KIAA1671: variants seen among roughly 807,000 people sequenced by gnomAD.
KIAA1671 encodes KIAA1671.
A neutral mutation model predicts 131.2 loss-of-function variants in KIAA1671; 52 were observed. The observed-to-expected ratio is 0.40, with a 90% CI of 0.32 to 0.50. The LOEUF (loss-of-function observed/expected upper bound fraction) is 0.50, where lower values mean the gene tolerates loss of function less well. Among genes scored for constraint, KIAA1671 ranks in the 20% least tolerant of loss-of-function variants. The pLI is 0.73. For synonymous variants in KIAA1671, 1,003 were observed against 961.6 expected (o/e 1.04, Z -0.80); for missense variants, 2,360 against 2,364.2 (o/e 1.00, Z 0.04).
At chr22:25,004,528 A>T (rs1924637199) in intron 1 of KIAA1671, among the ~76,000 whole-genome samples, 1 of 152,214 alleles carries the variant, frequency 6.6e-6, no homozygotes, top group Admixed American at 6.5e-5. Context: ...GACAGTGAAA[A>T]GTCTCTCTCC....
At chr22:24,995,193 A>C (rs1009346916) in intron 1 of KIAA1671, among the ~76,000 whole-genome samples, 1 of 149,424 alleles carries the variant, frequency 6.7e-6, no homozygotes, top group Non-Finnish European at 1.5e-5. Flanking sequence ...TGGGACTACA[A>C]GTGCCCGCCA....
chr22:25,168,430 C>T (rs1933721458), intron 6 of KIAA1671, among the ~76,000 whole-genome samples: 1 of 152,200 alleles, frequency 6.6e-6, no homozygotes, highest in Non-Finnish European at 1.5e-5. Flanking sequence ...GTGGCTCACG[C>T]CTGGAATCCC....
chr22:25,170,985 C>T, intron 7 of KIAA1671, 47 bp downstream of exon 7: 1 of 1,471,192 alleles, frequency 6.8e-7, no homozygotes, highest in Non-Finnish European at 9.3e-7. Context: ...GGCAGCTGGG[C>T]TGGAGTTGCT....
chr22:25,027,109 A>G lies in KIAA1671; in HGVS notation c.-55-836A>G, dbSNP rs770078093. ...CTCACTGTTGGGCGTTTCTCTTTCT[A>G]TTAAGAGTATGAAGGCAGTCAGCAT... On this transcript the variant is annotated intron_variant, in intron 2 of 12. Transcript: ENST00000358431. 9.1e-4 allele frequency among the ~76,000 whole-genome samples: 138 copies of G among 152,308 alleles called. 1 individual carries two copies. Among genetic ancestry groups the G allele is most frequent in the Non-Finnish European group, 1.6e-3 (110 of 68,036 alleles).
At chr22:25,000,251 T>C (rs1269894374) in intron 1 of KIAA1671, among the ~76,000 whole-genome samples, 1 of 56,732 alleles carries the variant, frequency 1.8e-5, no homozygotes, top group Non-Finnish European at 3.5e-5. Flanking sequence ...TGGAGTGCAG[T>C]GGCGGGATCT....
At chr22:25,047,437 C>T (rs367708461) in intron 5 of KIAA1671, among the ~76,000 whole-genome samples, 1 of 149,884 alleles carries the variant, frequency 6.7e-6, no homozygotes, top group South Asian at 2.1e-4. Flanking sequence ...AGGCGTGAGC[C>T]GCCACCACCA....
intron 4 of KIAA1671, among the ~76,000 whole-genome samples, chr22:25,034,048 G>GTT (rs35842433): frequency 3.9e-4 from 51 of 130,846 alleles, no homozygotes; most frequent in African/African-American, 1.0e-3. Flanking sequence ...ATGCCACTTT[G>GTT]TTTTTTTTTT....
At chr22:25,044,555 C>T (rs1420392305) in intron 5 of KIAA1671, among the ~76,000 whole-genome samples, 1 of 152,098 alleles carries the variant, frequency 6.6e-6, no homozygotes, top group Non-Finnish European at 1.5e-5. Flanking sequence ...TCTGTTTTCT[C>T]ACCACGGGAT....
intron 6 of KIAA1671, among the ~76,000 whole-genome samples, chr22:25,131,587 G>C (rs1466153183): frequency 1.3e-5 from 2 of 152,238 alleles, no homozygotes; most frequent in Non-Finnish European, 2.9e-5. Flanking sequence ...ATGTCACCCT[G>C]GGAAGCCATT....
chr22:25,157,488 G>A (rs1027778285), intron 6 of KIAA1671, among the ~76,000 whole-genome samples: 7 of 152,134 alleles, frequency 4.6e-5, no homozygotes, highest in Non-Finnish European at 1.0e-4. Context: ...ATTAAATAGA[G>A]TTCTACATTA....
At chr22:25,000,492 CTT>C (rs932233451) in intron 1 of KIAA1671, among the ~76,000 whole-genome samples, 33 of 49,594 alleles carry the variant, frequency 6.7e-4, no homozygotes, top group Admixed American at 8.5e-4. Context: ...CGCGCCCGGC[CTT>C]TTTTTTTTTT....
chr22:24,962,811 G>A (rs189953300), intron 1 of KIAA1671, among the ~76,000 whole-genome samples: 2 of 152,170 alleles, frequency 1.3e-5, no homozygotes, highest in African/African-American at 4.8e-5. Flanking sequence ...CATCTGAGCC[G>A]GTGCGCTTTC....
At chr22:25,031,779 C>T (rs916037550) in intron 3 of KIAA1671, among the ~76,000 whole-genome samples, 4 of 152,124 alleles carry the variant, frequency 2.6e-5, no homozygotes, top group African/African-American at 4.8e-5. Flanking sequence ...TTGGAGAGGC[C>T]GTGTGATTAT....
chr22:25,141,790 C>T (rs1197801704), intron 6 of KIAA1671, among the ~76,000 whole-genome samples: 3 of 152,054 alleles, frequency 2.0e-5, no homozygotes, highest in Admixed American at 6.6e-5. Context: ...CTGCTGAAGC[C>T]GAGGTCCAGA....
intron 1 of KIAA1671, chr22:25,013,375 G>T (rs1425239332): frequency 6.6e-6 from 1 of 152,086 alleles, no homozygotes; most frequent in Non-Finnish European, 1.5e-5. Context: ...ATTGTTTTTT[G>T]GGGGGTGTTT....
In KIAA1671 at chr22:25,041,040, C is replaced by T; in HGVS notation, c.3910C>T (p.Pro1304Ser). The change falls in exon 5 of 13, where the codon CCT becomes TCT. Residue 1304 changes from proline (P) to serine (S), a missense_variant. Transcript: ENST00000358431. ...CTTCTGGGCTCTGCCACCCTCGGCT[C>T]CTTCTGAAAGGTATCCAGGGGGCTC... ...PPFWALPPSA[P>S]SERYPGGSPI... 1 of 1,503,700 alleles carries T rather than the reference C, an allele frequency of 6.7e-7. No individual in the cohort carries two copies. The highest frequency in any genetic ancestry group is 1.3e-5 in the South Asian group (1 of 75,746). 93.1% of individuals were successfully genotyped at this position (1,503,700 alleles called of 1,614,324 possible).
intron 1 of KIAA1671, among the ~76,000 whole-genome samples, chr22:24,963,625 A>G (rs1922132982): frequency 6.6e-6 from 1 of 152,024 alleles, no homozygotes; most frequent in African/African-American, 2.4e-5. Context: ...GCTTCTGCCT[A>G]GACTCTTTGC....
intron 3 of KIAA1671, among the ~76,000 whole-genome samples, chr22:25,029,974 A>C (rs1051933084): frequency 5.9e-5 from 9 of 152,348 alleles, no homozygotes; most frequent in African/African-American, 2.2e-4. Context: ...TGAGTGGCCC[A>C]AAAAATAAAC....
intron 6 of KIAA1671, among the ~76,000 whole-genome samples, chr22:25,167,286 C>T (rs1177964891): frequency 2.0e-5 from 3 of 152,188 alleles, no homozygotes; most frequent in Non-Finnish European, 4.4e-5. Flanking sequence ...CTGGCTTGCT[C>T]ATCTGGATCC....
Sources: gnomAD v4.1 joint callset for allele counts (sites outside exome capture counted in the v4.1 genomes callset) on GRCh38, gnomAD v4.1.1 for gene constraint, MANE v1.5 for transcripts, NCBI Gene and HGNC (gene_info 2026-07-23, HGNC 2026-07-21) for gene names.